ERC2: variants seen among roughly 807,000 people sequenced by gnomAD.
ERC2 encodes ERC protein 2.
In ERC2, 42 loss-of-function variants were observed where a neutral mutation model predicts 114.8. That is an observed-to-expected ratio of 0.37 (90% CI 0.29 to 0.47). The LOEUF (loss-of-function observed/expected upper bound fraction) is 0.47, where lower values mean the gene tolerates loss of function less well. ERC2 is among the 20% of genes least tolerant of loss of function. The pLI, the probability that ERC2 is intolerant of heterozygous loss-of-function variation, is 0.99. For missense variants in ERC2, 939 were observed against 1,150.7 expected (o/e 0.82, Z 2.66); for synonymous variants, 454 against 425.5 (o/e 1.07, Z -0.82).
At chr3:56,040,329 A>C (rs185955671) in intron 7 of ERC2, among the ~76,000 whole-genome samples, 2 of 151,416 alleles carry the variant, frequency 1.3e-5, no homozygotes, top group Admixed American at 1.3e-4. Flanking sequence ...TTTCCATTAC[A>C]CTTTATTTCC....
At chr3:56,020,636 A>C (rs1402832363) in intron 7 of ERC2, among the ~76,000 whole-genome samples, 1 of 152,216 alleles carries the variant, frequency 6.6e-6, no homozygotes, top group Non-Finnish European at 1.5e-5. Context: ...TGACTCTTGG[A>C]AACAGTGTAT....
intron 2 of ERC2, among the ~76,000 whole-genome samples, chr3:56,372,275 A>C (rs1312212351): frequency 2.6e-5 from 4 of 152,248 alleles, no homozygotes. Flanking sequence ...AATTATTATA[A>C]CAATACATCA....
At chr3:55,654,414 TG>T (rs1328318492) in intron 17 of ERC2, among the ~76,000 whole-genome samples, 1 of 152,260 alleles carries the variant, frequency 6.6e-6, no homozygotes, top group African/African-American at 2.4e-5. Flanking sequence ...GTTTCAGAGC[TG>T]AAGTTTCAAG....
chr3:55,874,725 AG>A (rs1559798949), intron 14 of ERC2, among the ~76,000 whole-genome samples: 1 of 152,112 alleles, frequency 6.6e-6, no homozygotes, highest in African/African-American at 2.4e-5. Context: ...CTACAGAAGT[AG>A]GGGTGGGCAG....
chr3:56,160,722 T>G (rs934413022), intron 4 of ERC2, among the ~76,000 whole-genome samples: 4 of 152,208 alleles, frequency 2.6e-5, no homozygotes, highest in African/African-American at 9.6e-5. Flanking sequence ...CCAGCACCAT[T>G]TATTAAATAG....
chr3:55,677,718 C>T lies in ERC2; in HGVS notation c.*39+6076G>A, dbSNP rs141642548. Among the ~76,000 whole-genome samples the T allele has an allele frequency of 4.8e-3, 735 of 152,264 alleles. 7 individuals are homozygous for T. The highest frequency in any genetic ancestry group is 5.9e-3 in the Non-Finnish European group (403 of 68,010). On this transcript the variant is annotated intron_variant, in intron 17 of 17. Transcript: ENST00000288221. The stretch of plus-strand genomic sequence containing the variant: ...CCCCACCATAGATGAGGGTCTTCTT[C>T]ACTTTTTCTGAGTCACTGGCCCCTC...
chr3:55,628,957 T>TTC (rs2059631868), intron 17 of ERC2, among the ~76,000 whole-genome samples: 1 of 151,572 alleles, frequency 6.6e-6, no homozygotes, highest in Non-Finnish European at 1.5e-5. Context: ...AGAACCTTTC[T>TTC]TATATGAATG....
intron 5 of ERC2, among the ~76,000 whole-genome samples, chr3:56,144,047 G>T (rs991249469): frequency 6.6e-6 from 1 of 152,178 alleles, no homozygotes; most frequent in Non-Finnish European, 1.5e-5. Context: ...CTAAAGGATT[G>T]GTAGTGGCTA....
At chr3:56,379,338 T>C (rs949956858) in intron 2 of ERC2, among the ~76,000 whole-genome samples, 3 of 152,046 alleles carry the variant, frequency 2.0e-5, no homozygotes, top group African/African-American at 7.2e-5. Context: ...AAGCCAACCA[T>C]ATAGAGATGA....
intron 16 of ERC2, among the ~76,000 whole-genome samples, chr3:55,698,538 G>C (rs550511894): frequency 4.6e-5 from 7 of 152,226 alleles, no homozygotes; most frequent in Non-Finnish European, 8.8e-5. Context: ...ATCCAAAGGA[G>C]TGCATACTTA....
At chr3:56,228,841 C>T (rs1029638251) in intron 3 of ERC2, among the ~76,000 whole-genome samples, 3 of 152,062 alleles carry the variant, frequency 2.0e-5, no homozygotes, top group African/African-American at 7.2e-5. Context: ...ACAAAAATAT[C>T]CCCCAAAATA....
intron 17 of ERC2, among the ~76,000 whole-genome samples, chr3:55,644,535 G>A (rs1042198748): frequency 4.1e-4 from 62 of 152,114 alleles, no homozygotes; most frequent in Middle Eastern, 6.8e-3. Context: ...AGTAAAATTA[G>A]GACAATATTA....
intron 14 of ERC2, among the ~76,000 whole-genome samples, chr3:55,880,466 G>A (rs1389163167): frequency 2.6e-5 from 4 of 152,132 alleles, no homozygotes; most frequent in Non-Finnish European, 5.9e-5. Context: ...ACAGAAATCT[G>A]GAGTAGTAAG....
intron 2 of ERC2, among the ~76,000 whole-genome samples, chr3:56,313,424 T>C (rs2056716055): frequency 1.3e-5 from 2 of 152,128 alleles, no homozygotes; most frequent in Non-Finnish European, 2.9e-5. Flanking sequence ...CTATTTCCCA[T>C]TTTCATTCAG....
intron 14 of ERC2, among the ~76,000 whole-genome samples, chr3:55,755,304 G>T (rs2066981902): frequency 6.6e-6 from 1 of 152,038 alleles, no homozygotes; most frequent in East Asian, 1.9e-4. Flanking sequence ...TGACCGAGAG[G>T]CACAGGTTGA....
intron 4 of ERC2, among the ~76,000 whole-genome samples, chr3:56,166,460 C>T (rs982038018): frequency 2.0e-5 from 3 of 151,944 alleles, no homozygotes; most frequent in Non-Finnish European, 2.9e-5. Flanking sequence ...CCTCTTCAAA[C>T]ATTTGGTACA....
intron 1 of ERC2, among the ~76,000 whole-genome samples, chr3:56,457,693 C>T (rs1166950271): frequency 6.6e-6 from 1 of 152,150 alleles, no homozygotes; most frequent in Non-Finnish European, 1.5e-5. Flanking sequence ...AAGCTAAACT[C>T]CAGCTCTACA....
At chr3:55,566,913 C>A (rs1034736110) in intron 17 of ERC2, among the ~76,000 whole-genome samples, 2 of 152,064 alleles carry the variant, frequency 1.3e-5, no homozygotes, top group African/African-American at 4.8e-5. Context: ...GCTGGCCAGG[C>A]TAGTCTGGAA....
chr3:55,923,957 GT>G (rs1437333280), intron 13 of ERC2, among the ~76,000 whole-genome samples: 1 of 152,092 alleles, frequency 6.6e-6, no homozygotes, highest in Non-Finnish European at 1.5e-5. Flanking sequence ...AGTGATCCAG[GT>G]GGCAATCTAT....
Sources: gnomAD v4.1 joint callset for allele counts (sites outside exome capture counted in the v4.1 genomes callset) on GRCh38, gnomAD v4.1.1 for gene constraint, MANE v1.5 for transcripts, NCBI Gene and HGNC (gene_info 2026-07-23, HGNC 2026-07-21) for gene names.